ENPP1: variants seen among roughly 807,000 people sequenced by gnomAD.
The protein encoded by ENPP1 is ectonucleotide pyrophosphatase/phosphodiesterase 1.
Under a neutral mutation model 122.8 loss-of-function variants are expected in ENPP1, and 73 were observed. The observed-to-expected ratio is 0.59, with a 90% CI of 0.49 to 0.72. ENPP1 has a LOEUF of 0.72. ENPP1 is among the 30% of genes least tolerant of loss of function. ENPP1 has a pLI of 0.00. For synonymous variants in ENPP1, 367 were observed against 391.6 expected, an observed-to-expected ratio of 0.94 and a Z score of 0.74; for missense variants, 978 against 1,128.1, an observed-to-expected ratio of 0.87 and a Z score of 1.91.
chr6:131,814,195 C>T (rs962895085), intron 1 of ENPP1, among the ~76,000 whole-genome samples: 1 of 152,078 alleles, frequency 6.6e-6, no homozygotes, highest in Non-Finnish European at 1.5e-5. Context: ...GCCTGAAATC[C>T]CAGAACTTTG....
intron 4 of ENPP1, chr6:131,851,511 A>G (rs1483683844): frequency 6.1e-6 from 3 of 488,680 alleles, no homozygotes; most frequent in Non-Finnish European, 7.4e-6. Flanking sequence ...CACGGCCAAT[A>G]ATATTTTATC....
chr6:131,862,631 T>A (rs1782038696), intron 9 of ENPP1, among the ~76,000 whole-genome samples: 1 of 152,180 alleles, frequency 6.6e-6, no homozygotes, highest in Non-Finnish European at 1.5e-5. Context: ...TCTTGCTATC[T>A]CCTGTTCCTG....
At chr6:131,860,964 C>T (rs1316748136) in intron 8 of ENPP1, among the ~76,000 whole-genome samples, 4 of 152,000 alleles carry the variant, frequency 2.6e-5, no homozygotes, top group Admixed American at 6.6e-5. Flanking sequence ...TAAATTGCCA[C>T]AATTTAAAAA....
At chr6:131,811,376 A>ATATATCTATATCTATATCTATATC (rs56938500) in intron 1 of ENPP1, among the ~76,000 whole-genome samples, 2,538 of 131,262 alleles carry the variant, frequency 0.019, 53 homozygotes, top group South Asian at 0.031. Context: ...ATCTATATCT[A>ATATATCTATATCTATATCTATATC]TATATCTATA....
intron 1 of ENPP1, among the ~76,000 whole-genome samples, chr6:131,815,941 G>A (rs958615325): frequency 1.4e-5 from 2 of 144,922 alleles, no homozygotes; most frequent in African/African-American, 2.6e-5. Flanking sequence ...GGCTGGTCTC[G>A]AACTCCTGAC....
chr6:131,890,058 A>G (rs1167321694), intron 24 of ENPP1, among the ~76,000 whole-genome samples: 1 of 151,814 alleles, frequency 6.6e-6, no homozygotes, highest in African/African-American at 2.4e-5. Flanking sequence ...CCTTTTTTTA[A>G]CCCCACGCCA....
chr6:131,823,285 T>C (rs1781504081), intron 1 of ENPP1, among the ~76,000 whole-genome samples: 1 of 152,214 alleles, frequency 6.6e-6, no homozygotes, highest in Non-Finnish European at 1.5e-5. Flanking sequence ...GCAAATCTGT[T>C]GGCTTGGGAG....
chr6:131,878,533 CT>C lies in ENPP1; in HGVS notation c.1894-3del. 1 of 1,598,378 alleles carries C rather than the reference CT, an allele frequency of 6.3e-7. No individual in the cohort carries two copies. Among genetic ancestry groups the C allele is most frequent in the Non-Finnish European group, 8.6e-7 (1 of 1,166,224 alleles). ...CAGTCCTTAAAAATAGTTTTATAACCTTTTTTAGATTTTGCCGATTGAGGAT... is the reference window on the plus strand; with the variant it reads ...CAGTCCTTAAAAATAGTTTTATAACCTTTTTAGATTTTGCCGATTGAGGAT... On this transcript the variant is annotated splice_region_variant and splice_polypyrimidine_tract_variant and intron_variant, in intron 18 of 24. Coordinates refer to ENST00000647893, the MANE Select transcript of ENPP1 (RefSeq NM_006208.3).
intron 24 of ENPP1, among the ~76,000 whole-genome samples, chr6:131,889,939 C>T (rs1051592661): frequency 6.6e-6 from 1 of 150,992 alleles, no homozygotes; most frequent in Non-Finnish European, 1.5e-5. Context: ...TCTCCACAAC[C>T]TTACTAGCTA....
At chr6:131,859,551 A>G (rs113664704) in intron 7 of ENPP1, among the ~76,000 whole-genome samples, 17 of 151,782 alleles carry the variant, frequency 1.1e-4, no homozygotes, top group African/African-American at 3.9e-4. Flanking sequence ...ACGCCCGGCT[A>G]ATTTTTGTGT....
In ENPP1 at chr6:131,877,302, G is replaced by A. The variant is rs41286150; in HGVS notation, c.1893+141G>A. Reference sequence around the variant, plus strand: ...AACATATGTTTTAATTCTAGGGGGCGCATGTAGATCTTTTGTGATATATCT... The same window carrying A: ...AACATATGTTTTAATTCTAGGGGGCACATGTAGATCTTTTGTGATATATCT... On this transcript the variant is annotated intron_variant, in intron 18 of 24. Coordinates refer to ENST00000647893, the MANE Select transcript of ENPP1 (RefSeq NM_006208.3). 24,105 of 791,592 alleles carry A rather than the reference G, an allele frequency of 0.03. 608 individuals are homozygous for A. The highest frequency in any genetic ancestry group is 0.1 in the African/African-American group (5,979 of 58,166). 49.0% of individuals were successfully genotyped at this position (791,592 alleles called of 1,614,324 possible).
chr6:131,884,960 C>A lies in ENPP1; in HGVS notation c.2341C>A (p.Leu781Met). The change falls in exon 23 of 25, where the codon CTG becomes ATG. Residue 781 changes from leucine to methionine, a missense_variant. Leu to Met is a conservative substitution (Grantham distance 15, BLOSUM62 2). Transcript: ENST00000647893. Reference protein sequence around the residue: ...VIWRYFHDTLLRKYAEERNGV... With the variant: ...VIWRYFHDTLMRKYAEERNGV... ...ATGGCGCTACTTTCATGACACCCTA[C>A]TGCGAAAGTATGCTGAAGAAAGAAA... 1 of 1,614,032 alleles carries A rather than the reference C, an allele frequency of 6.2e-7. No individual in the cohort carries two copies. The highest frequency in any genetic ancestry group is 1.3e-5 in the African/African-American group (1 of 75,044).
intron 1 of ENPP1, among the ~76,000 whole-genome samples, chr6:131,824,192 C>G (rs1781516041): frequency 6.6e-6 from 1 of 151,868 alleles, no homozygotes; most frequent in Admixed American, 6.6e-5. Flanking sequence ...TAAGTGCAGC[C>G]CAGAAGCTGT....
At position 131,849,986 on chromosome 6, in the gene ENPP1, T is replaced by C. The variant is rs760599746; in HGVS notation, c.314-4T>C. The C allele has an allele frequency of 1.9e-6, 3 of 1,601,410 alleles. No homozygotes were observed. The highest frequency in any genetic ancestry group is 2.6e-6 in the Non-Finnish European group (3 of 1,168,300). On this transcript the variant is annotated splice_polypyrimidine_tract_variant and splice_region_variant and intron_variant, in intron 2 of 24. Transcript: ENST00000647893. ...ACATCTGACTTATCGTTCAATTTTT[T>C]CAGTTAAAAGTTGCAAAGGTCGCTG...
At chr6:131,810,448 G>GC (rs397886010) in intron 1 of ENPP1, among the ~76,000 whole-genome samples, 4,830 of 52,636 alleles carry the variant, frequency 0.092, 117 homozygotes, top group Middle Eastern at 0.17. Flanking sequence ...CCCCAACCCC[G>GC]CCCCCCCCCC....
chr6:131,816,680 T>C (rs529190255), intron 1 of ENPP1, among the ~76,000 whole-genome samples: 27 of 152,376 alleles, frequency 1.8e-4, no homozygotes, highest in African/African-American at 6.5e-4. Flanking sequence ...CTGTAGTGTC[T>C]TTGAAAAATT....
intron 1 of ENPP1, among the ~76,000 whole-genome samples, chr6:131,837,856 A>T (rs1351593591): frequency 6.6e-6 from 1 of 152,086 alleles, no homozygotes; most frequent in Non-Finnish European, 1.5e-5. Flanking sequence ...GTCTTCTACC[A>T]TGTCTCTTTT....
chr6:131,813,226 G>C (rs1781375521), intron 1 of ENPP1, among the ~76,000 whole-genome samples: 1 of 152,074 alleles, frequency 6.6e-6, no homozygotes, highest in African/African-American at 2.4e-5. Flanking sequence ...TGTTGTGGCT[G>C]TGTGTGATGG....
At chr6:131,828,976 T>C (rs1424564240) in intron 1 of ENPP1, among the ~76,000 whole-genome samples, 1 of 152,280 alleles carries the variant, frequency 6.6e-6, no homozygotes, top group Non-Finnish European at 1.5e-5. Flanking sequence ...CGAATGAGTA[T>C]GTTCCAAAAA....
Sources: allele counts gnomAD v4.1 joint callset (sites outside exome capture counted in the v4.1 genomes callset), GRCh38; gene constraint gnomAD v4.1.1; transcripts MANE v1.5; gene names NCBI Gene and HGNC (gene_info 2026-07-23, HGNC 2026-07-21).